The following TFB1M variants were observed in gnomAD, a reference collection of about 807,000 sequenced individuals.
TFB1M encodes dimethyladenosine transferase 1, mitochondrial.
In TFB1M, 27 loss-of-function variants were observed where a neutral mutation model predicts 31.1. That is an observed-to-expected ratio of 0.87 (90% CI 0.64 to 1.20). TFB1M has a LOEUF of 1.20. Among genes scored for constraint, TFB1M ranks in the 50% most tolerant of loss-of-function variants. The pLI, the probability that TFB1M is intolerant of heterozygous loss-of-function variation, is 0.00. For missense variants in TFB1M, 394 were observed against 418.7 expected, an observed-to-expected ratio of 0.94 and a Z score of 0.51; for synonymous variants, 166 against 151.8, an observed-to-expected ratio of 1.09 and a Z score of -0.69.
rs369158740 is a variant in TFB1M at position 155,298,546 on chromosome 6, G to A, written c.325C>T (p.His109Tyr). 4.3e-6 allele frequency: 7 copies of A among 1,613,246 alleles called. No homozygotes were observed. In the African/African-American group the frequency reaches 5.3e-5, roughly 12 times the overall value. Reference sequence around the variant, plus strand: ...ACCTTAAATGTCAAGACATCTCCATGAACAATTCTCAGTTTCCCAGGTGCT... The same window carrying A: ...ACCTTAAATGTCAAGACATCTCCATAAACAATTCTCAGTTTCCCAGGTGCT... ...DAAPGKLRIV[H>Y]GDVLTFKVEK... Residue 109 changes from histidine to tyrosine, a missense_variant, in exon 3 of 7, where the codon CAT (histidine) becomes TAT (tyrosine). His to Tyr is a moderately conservative substitution (Grantham distance 83). Transcript: ENST00000367166.
chr6:155,292,203 G>C (rs1376055220), intron 4 of TFB1M, among the ~76,000 whole-genome samples: 1 of 152,144 alleles, frequency 6.6e-6, no homozygotes, highest in Non-Finnish European at 1.5e-5. Flanking sequence ...GATCTGGGAG[G>C]CCTCGGCAGG....
chr6:155,291,668 A>G (rs1776930351), intron 4 of TFB1M, among the ~76,000 whole-genome samples: 1 of 152,184 alleles, frequency 6.6e-6, no homozygotes, highest in African/African-American at 2.4e-5. Flanking sequence ...TCTGCTGTGC[A>G]CTGAAGAATG....
chr6:155,304,109 A>G (rs1237929188), intron 2 of TFB1M, among the ~76,000 whole-genome samples: 1 of 152,032 alleles, frequency 6.6e-6, no homozygotes, highest in African/African-American at 2.4e-5. Context: ...GATGAAACCC[A>G]GTCTCTATTA....
In TFB1M at chr6:155,259,620, A is replaced by AT. The variant is rs141530569; in HGVS notation, c.794+652dup. Among the ~76,000 whole-genome samples the AT allele has an allele frequency of 8.3e-3, 1,263 of 152,378 alleles. 18 individuals are homozygous for AT. The highest frequency in any genetic ancestry group is 0.029 in the African/African-American group (1,203 of 41,586). ...TCTTTAAACAGCGGACTATGGATAG[A>AT]TTATCGTAGATGGAAATCTTTTACA... On this transcript the variant is annotated intron_variant, in intron 6 of 6. Transcript: ENST00000367166.
chr6:155,309,415 A>C (rs113835293), intron 2 of TFB1M, among the ~76,000 whole-genome samples: 10 of 152,208 alleles, frequency 6.6e-5, no homozygotes, highest in Non-Finnish European at 1.2e-4. Context: ...ACATATATAC[A>C]GTATGTCAGA....
the TFB1M span, among the ~76,000 whole-genome samples, chr6:155,236,573 G>A: frequency 2.0e-5 from 3 of 152,178 alleles, no homozygotes; most frequent in African/African-American, 7.2e-5. Context: ...TGAGGCAGGA[G>A]AATTGCTTGC....
At chr6:155,286,553 G>GTA (rs1387770906) in intron 4 of TFB1M, among the ~76,000 whole-genome samples, 16 of 146,984 alleles carry the variant, frequency 1.1e-4, no homozygotes, top group African/African-American at 3.5e-4. Flanking sequence ...ATATATGTGT[G>GTA]TATATATATG....
the TFB1M span, chr6:155,245,538 A>T: frequency 8.9e-7 from 1 of 1,121,682 alleles, no homozygotes; most frequent in South Asian, 1.3e-5. Flanking sequence ...GGAATCTGAC[A>T]GAAGCCATGG....
At chr6:155,264,673 T>C (rs1784538266) in intron 5 of TFB1M, among the ~76,000 whole-genome samples, 1 of 152,176 alleles carries the variant, frequency 6.6e-6, no homozygotes, top group Non-Finnish European at 1.5e-5. Flanking sequence ...AAAGAACAGA[T>C]TTTAAACAGT....
At chr6:155,298,445 G>C in intron 3 of TFB1M, 32 bp downstream of exon 3, 1 of 1,084,314 alleles carries the variant, frequency 9.2e-7, no homozygotes, top group African/African-American at 1.5e-5. Context: ...AATCATAAAA[G>C]AAATGTTTTA....
At position 155,257,383 on chromosome 6, in the gene TFB1M, A is replaced by AATT. The variant is rs2114650993; in HGVS notation, c.*450_*452dup. On this transcript the variant is annotated 3_prime_UTR_variant, in exon 7 of 7. Coordinates refer to ENST00000367166, the MANE Select transcript of TFB1M (RefSeq NM_016020.4). ...GTATCAAATGATTTAGGATCCTTAA[A>AATT]ATTACATTCTAATAATTAAGTTATG... 2.3e-6 allele frequency: 1 copy of AATT among 426,118 alleles called. No homozygotes were observed. Among genetic ancestry groups the AATT allele is most frequent in the East Asian group, 4.8e-5 (1 of 21,020 alleles). The allele number at this position is 426,118 out of a possible 1,614,324, so 26.4% of individuals were successfully genotyped here. A position where few individuals can be genotyped will look rare whatever the true frequency, so the allele number is the denominator to read the frequency against.
downstream of TFB1M, chr6:155,255,941 C>T (rs75237392): frequency 0.05 from 7,717 of 153,904 alleles, 199 homozygotes; most frequent in East Asian, 0.13. Flanking sequence ...GCCCAGGAGG[C>T]GGAGGTTGCA....
chr6:155,263,807 C>T (rs913817745), intron 5 of TFB1M, among the ~76,000 whole-genome samples: 16 of 152,100 alleles, frequency 1.1e-4, no homozygotes, highest in African/African-American at 3.6e-4. Context: ...CCACTGTCTA[C>T]AAAAGGGTCT....
chr6:155,230,004 G>A, the TFB1M span, among the ~76,000 whole-genome samples: 1 of 151,982 alleles, frequency 6.6e-6, no homozygotes. Flanking sequence ...TGACACATGG[G>A]AATCATTACA....
intron 3 of TFB1M, 114 bp downstream of exon 3, chr6:155,298,363 G>A: frequency 1.5e-6 from 1 of 670,516 alleles, no homozygotes; most frequent in East Asian, 2.8e-5. Flanking sequence ...ATTCTGTTCA[G>A]ATAATTTAAA....
chr6:155,275,827 G>A, intron 5 of TFB1M: 1 of 1,613,980 alleles, frequency 6.2e-7, no homozygotes, highest in Non-Finnish European at 8.5e-7. Context: ...ATGTGGATGT[G>A]GACTCCAACA....
At chr6:155,261,806 G>A (rs185738360) in intron 5 of TFB1M, among the ~76,000 whole-genome samples, 2 of 152,204 alleles carry the variant, frequency 1.3e-5, no homozygotes, top group African/African-American at 4.8e-5. Context: ...TGCTGAGAAT[G>A]TGCCAAGCGG....
chr6:155,238,757 G>A, the TFB1M span, among the ~76,000 whole-genome samples: 2 of 152,240 alleles, frequency 1.3e-5, no homozygotes, highest in African/African-American at 2.4e-5. Flanking sequence ...AGTCTTTGTT[G>A]ATTCCAGATT....
At chr6:155,276,006 G>A (rs754016769) in intron 5 of TFB1M, 3 of 1,614,130 alleles carry the variant, frequency 1.9e-6, no homozygotes, top group Non-Finnish European at 2.5e-6. Context: ...TTGGGGATCT[G>A]CACTTCCACA....
Sources: gnomAD v4.1 joint callset for allele counts (sites outside exome capture counted in the v4.1 genomes callset) on GRCh38, gnomAD v4.1.1 for gene constraint, MANE v1.5 for transcripts, NCBI Gene and HGNC (gene_info 2026-07-23, HGNC 2026-07-21) for gene names.